Variants in ERP29 observed in about 807,000 individuals in gnomAD.
The protein encoded by ERP29 is endoplasmic reticulum resident protein 29.
ERP29 carries 14 observed loss-of-function variants against 21.7 expected under a neutral mutation model. That is an observed-to-expected ratio of 0.64 (90% CI 0.43 to 1.01). ERP29 has a LOEUF of 1.01. ERP29 is among the 50% of genes least tolerant of loss of function. The probability of loss-of-function intolerance (pLI) is 0.00; values close to 1 mark genes in which losing one functional copy is unlikely to be tolerated. For synonymous variants in ERP29, 129 were observed against 139.1 expected, an observed-to-expected ratio of 0.93 and a Z score of 0.51; for missense variants, 286 against 327.3, an observed-to-expected ratio of 0.87 and a Z score of 0.97.
At chr12:112,014,672 GC>G (rs1339849345) in intron 1 of ERP29, 1 of 152,238 alleles carries the variant, frequency 6.6e-6, no homozygotes, top group Admixed American at 6.5e-5. Flanking sequence ...CCCTCCTCTT[GC>G]ACCTGTCTTC....
intron 1 of ERP29, among the ~76,000 whole-genome samples, chr12:112,017,367 A>G (rs2136777503): frequency 6.6e-6 from 1 of 152,338 alleles, no homozygotes; most frequent in South Asian, 2.1e-4. Flanking sequence ...TAATGATAGC[A>G]GGGTATGATG....
Position 112,022,662 on chromosome 12 carries a change from C to T in ERP29, c.*10C>T, listed in dbSNP as rs2078058328. ...GAAAGAGGAGCTGTAAAAAGGCTGT[C>T]TGTGATTTTCCAGGGTTTGGTGGGG... On this transcript the variant is annotated 3_prime_UTR_variant, in exon 3 of 3. Coordinates refer to ENST00000261735, the MANE Select transcript of ERP29 (RefSeq NM_006817.4). 3 of 1,592,618 alleles carry T rather than the reference C, an allele frequency of 1.9e-6. No individual in the cohort carries two copies. The highest frequency in any genetic ancestry group is 3.4e-5 in the Admixed American group (2 of 58,166).
chr12:112,023,074 C>A lies in ERP29; in HGVS notation c.*422C>A, dbSNP rs1298153848. 1 of 161,658 alleles carries A rather than the reference C, an allele frequency of 6.2e-6. No homozygotes were observed. Among genetic ancestry groups the A allele is most frequent in the Non-Finnish European group, 1.3e-5 (1 of 74,090 alleles). 10.0% of individuals were successfully genotyped at this position (161,658 alleles called of 1,614,324 possible). On this transcript the variant is annotated 3_prime_UTR_variant, in exon 3 of 3. Transcript: ENST00000261735. ...TTTGAATCTAAGCTGGTATAGACTCCACTTTCCCAGGGTAACAAACTATCC... is the reference window on the plus strand; with the variant it reads ...TTTGAATCTAAGCTGGTATAGACTCAACTTTCCCAGGGTAACAAACTATCC...
Position 112,013,451 on chromosome 12 carries a change from C to T in ERP29, c.-15C>T. 1.9e-6 allele frequency: 3 copies of T among 1,605,888 alleles called. No homozygotes were observed. Among genetic ancestry groups the T allele is most frequent in the African/African-American group, 1.3e-5 (1 of 74,796 alleles). The stretch of plus-strand genomic sequence containing the variant: ...ACTATCGCTTACCTACCTCCCTCTG[C>T]AGGAACCCGGCGATATGGCTGCCGC... On this transcript the variant is annotated 5_prime_UTR_variant, in exon 1 of 3. Coordinates refer to ENST00000261735, the MANE Select transcript of ERP29 (RefSeq NM_006817.4).
intron 1 of ERP29, among the ~76,000 whole-genome samples, chr12:112,016,261 C>T (rs943612983): frequency 6.6e-6 from 1 of 152,220 alleles, no homozygotes; most frequent in African/African-American, 2.4e-5. Context: ...TCTTCTCTTC[C>T]ATCACGACTG....
Position 112,013,528 on chromosome 12 carries a change from C to G in ERP29, c.63C>G (p.Phe21Leu). Residue 21 changes from phenylalanine (F) to leucine (L), a missense_variant, in exon 1 of 3, where the codon TTC (phenylalanine) becomes TTG (leucine). By Grantham distance (22) the Phe-to-Leu change is conservative (BLOSUM62 0). Coordinates refer to ENST00000261735, the MANE Select transcript of ERP29 (RefSeq NM_006817.4). Reference sequence around the variant, plus strand: ...CGCTGCTTCCCCTTCTCCTGGGCTTCCTGCTCCTCTCCGCTCCGCATGGCG... The same window carrying G: ...CGCTGCTTCCCCTTCTCCTGGGCTTGCTGCTCCTCTCCGCTCCGCATGGCG... The part of the protein sequence containing the change: ...LSPLLPLLLG[F>L]LLLSAPHGGS... 6.2e-7 allele frequency: 1 copy of G among 1,613,204 alleles called. No individual in the cohort carries two copies. The highest frequency in any genetic ancestry group is 8.5e-7 in the Non-Finnish European group (1 of 1,179,668).
intron 1 of ERP29, chr12:112,018,916 A>G (rs2078028835): frequency 6.6e-6 from 1 of 152,272 alleles, no homozygotes; most frequent in African/African-American, 2.4e-5. Context: ...AAAAGGGCAC[A>G]TATTGTACAT....
At position 112,022,032 on chromosome 12, in the gene ERP29, T is replaced by C. The variant is rs975456697; in HGVS notation, c.284-118T>C. ...CAGGTCTGTATGGTTGCTCCTCACT[T>C]TGAACCATTACACGGCCAAGAAAAT... On this transcript the variant is annotated intron_variant, in intron 2 of 2. Coordinates refer to ENST00000261735, the MANE Select transcript of ERP29 (RefSeq NM_006817.4). 1.7e-5 allele frequency: 17 copies of C among 992,164 alleles called. No individual in the cohort carries two copies. In the Admixed American group the frequency reaches 2.7e-4, roughly 16 times the overall value. The allele number at this position is 992,164 out of a possible 1,614,324, so 61.5% of individuals were successfully genotyped here. A position where few individuals can be genotyped will look rare whatever the true frequency, so the allele number is the denominator to read the frequency against.
intron 1 of ERP29, among the ~76,000 whole-genome samples, chr12:112,018,299 G>T (rs1196608552): frequency 6.6e-6 from 1 of 151,738 alleles, no homozygotes; most frequent in Non-Finnish European, 1.5e-5. Context: ...ACAGGTGTGT[G>T]CCACCATGAC....
chr12:112,018,802 C>T (rs1229052840), intron 1 of ERP29: 5 of 152,152 alleles, frequency 3.3e-5, no homozygotes, highest in Admixed American at 6.5e-5. Flanking sequence ...TGTGGTCTAT[C>T]GTACAGTGTA....
intron 1 of ERP29, among the ~76,000 whole-genome samples, chr12:112,017,421 T>G (rs2078018093): frequency 6.6e-6 from 1 of 152,164 alleles, no homozygotes; most frequent in Admixed American, 6.6e-5. Context: ...GAGTCCCCAG[T>G]AGCAGGGGAC....
intron 2 of ERP29, among the ~76,000 whole-genome samples, chr12:112,021,541 T>TTTTTTTTTTA (rs2078045788): frequency 7.0e-6 from 1 of 143,706 alleles, no homozygotes; most frequent in African/African-American, 2.6e-5. Context: ...TTTTTTTTTT[T>TTTTTTTTTTA]GAGACAAAGT....
chr12:112,019,917 TG>T lies in ERP29; in HGVS notation c.283+30del, dbSNP rs533921613. 17 of 1,613,004 alleles carry T rather than the reference TG, an allele frequency of 1.1e-5. No individual in the cohort carries two copies. In the East Asian group the frequency reaches 2.2e-4, roughly 21 times the overall value. On this transcript the variant is annotated intron_variant, in intron 2 of 2. Transcript: ENST00000261735. ...CAGGTATGGACAAGTCCAGGACGGC[TG>T]GGGGGGCAGAGAGGGAGGAAGCTAG...
At chr12:112,017,724 G>A (rs2136777739) in intron 1 of ERP29, among the ~76,000 whole-genome samples, 1 of 151,538 alleles carries the variant, frequency 6.6e-6, no homozygotes, top group Middle Eastern at 3.4e-3. Context: ...TAAAAACCAA[G>A]AGGACATCAG....
chr12:112,014,812 G>C (rs17629058), intron 1 of ERP29: 2,590 of 152,380 alleles, frequency 0.017, 28 homozygotes, highest in Non-Finnish European at 0.028. Context: ...TGTCTCCAGT[G>C]GTTGAAGTCT....
chr12:112,017,053 T>C (rs1332984213), intron 1 of ERP29, among the ~76,000 whole-genome samples: 1 of 152,204 alleles, frequency 6.6e-6, no homozygotes, highest in East Asian at 1.9e-4. Flanking sequence ...TGTATAATTA[T>C]TAATATTATT....
chr12:112,017,210 C>G (rs1464952909), intron 1 of ERP29, among the ~76,000 whole-genome samples: 1 of 152,192 alleles, frequency 6.6e-6, no homozygotes, highest in Non-Finnish European at 1.5e-5. Context: ...CTGCCACATT[C>G]CAGGCACTGT....
intron 1 of ERP29, chr12:112,014,483 AGCTGTTGTAGGAAACATCTTGGGGTTG>A (rs1484302338): frequency 6.6e-6 from 1 of 152,282 alleles, no homozygotes; most frequent in Non-Finnish European, 1.5e-5. Flanking sequence ...GGTTGGGGAT[AGCTGTTGTAGGAAACATCTTGGGGTTG>A]GCAACAAAAT....
chr12:112,015,737 G>C (rs909656069), intron 1 of ERP29, among the ~76,000 whole-genome samples: 5 of 152,106 alleles, frequency 3.3e-5, no homozygotes, highest in African/African-American at 4.8e-5. Context: ...CTCTTCTCTG[G>C]TCTCCCTGCT....
Sources: gnomAD v4.1 joint callset for allele counts (sites outside exome capture counted in the v4.1 genomes callset) on GRCh38, gnomAD v4.1.1 for gene constraint, MANE v1.5 for transcripts, NCBI Gene and HGNC (gene_info 2026-07-23, HGNC 2026-07-21) for gene names.